CALN1: variants seen among roughly 807,000 people sequenced by gnomAD.
CALN1 encodes calcium-binding protein 8.
In CALN1, 17 loss-of-function variants were observed where a neutral mutation model predicts 30.6. The ratio of observed to expected loss-of-function variants is 0.56; its 90% CI spans 0.38 to 0.83. The LOEUF is 0.83. Ranked by LOEUF, CALN1 falls within the 40% of genes least tolerant of loss-of-function variation. CALN1 has a pLI of 0.00. For missense variants in CALN1, 291 were observed against 354.9 expected, an observed-to-expected ratio of 0.82 and a Z score of 1.45; for synonymous variants, 156 against 131.4, an observed-to-expected ratio of 1.19 and a Z score of -1.28.
intron 5 of CALN1, among the ~76,000 whole-genome samples, chr7:71,934,167 A>C (rs1457903685): frequency 6.6e-6 from 1 of 152,222 alleles, no homozygotes; most frequent in Non-Finnish European, 1.5e-5. Flanking sequence ...TTCTAGCTAA[A>C]ATAGTTCTCC....
rs1266444348 is a variant in CALN1, at chr7:71,971,953, A to AGAAAGAAAGAAAG, written c.501+51703_501+51704insCTTTCTTTCTTTC. Reference sequence around the variant, plus strand: ...CTCAAAAAAAAAAAAAAAAAAAAAAAAAAGAAAGAAAGAAAGAAAGAAAGA... The same window carrying AGAAAGAAAGAAAG: ...CTCAAAAAAAAAAAAAAAAAAAAAAAGAAAGAAAGAAAGAAAGAAAGAAAGAAAGAAAGAAAGA... On this transcript the variant is annotated intron_variant, in intron 5 of 6. Transcript: ENST00000395275. Among the ~76,000 whole-genome samples, 186 of 72,772 alleles carry AGAAAGAAAGAAAG rather than the reference A, an allele frequency of 2.6e-3. 2 individuals are homozygous for AGAAAGAAAGAAAG. The highest frequency in any genetic ancestry group is 8.9e-3 in the African/African-American group (126 of 14,202). 47.7% of individuals were successfully genotyped at this position (72,772 alleles called of 152,430 possible).
Position 71,817,845 on chromosome 7 carries a change from CTTATAA to C in CALN1, c.502-7359_502-7354del, listed in dbSNP as rs1485258174. ...ATATTTATTAATTACATTACGTAAC[CTTATAA>C]TTATAATCTTTTTCTATAAACTTAC... On this transcript the variant is annotated intron_variant, in intron 5 of 6. Transcript: ENST00000395275. 3.9e-5 allele frequency among the ~76,000 whole-genome samples: 6 copies of C among 151,956 alleles called. No homozygotes were observed. The South Asian group carries it at 8.3e-4, about 21-fold the overall frequency.
At chr7:72,244,723 G>C (rs370349952) in intron 3 of CALN1, among the ~76,000 whole-genome samples, 1 of 151,710 alleles carries the variant, frequency 6.6e-6, no homozygotes, top group Admixed American at 6.6e-5. Context: ...CCCAGACAGA[G>C]AAAATATAGT....
intron 3 of CALN1, among the ~76,000 whole-genome samples, chr7:72,271,575 A>ATATATATATAT (rs1554345806): frequency 1.7e-4 from 9 of 52,120 alleles, no homozygotes; most frequent in South Asian, 2.3e-3. Context: ...AAAAAAAAAA[A>ATATATATATAT]ATATATATAT....
chr7:72,088,715 A>G (rs1273883836), intron 4 of CALN1, among the ~76,000 whole-genome samples: 25 of 150,780 alleles, frequency 1.7e-4, no homozygotes, highest in African/African-American at 4.9e-4. Flanking sequence ...AAAAAAAAAA[A>G]AAAGAAAGAA....
intron 5 of CALN1, among the ~76,000 whole-genome samples, chr7:71,954,968 G>A (rs915948012): frequency 6.6e-6 from 1 of 152,078 alleles, no homozygotes; most frequent in Admixed American, 6.6e-5. Flanking sequence ...TTGTTTTTTA[G>A]GATGAGAGTT....
chr7:72,109,045 T>C (rs1195110195), intron 3 of CALN1, among the ~76,000 whole-genome samples: 2 of 152,160 alleles, frequency 1.3e-5, no homozygotes, highest in African/African-American at 4.8e-5. Context: ...TTCTGAGCGG[T>C]AAGCACCTCC....
At chr7:71,852,833 T>C in intron 5 of CALN1, among the ~76,000 whole-genome samples, 1 of 152,236 alleles carries the variant, frequency 6.6e-6, no homozygotes, top group Admixed American at 6.5e-5. Flanking sequence ...TTTATATTGA[T>C]TGTGCTTATT....
intron 2 of CALN1, among the ~76,000 whole-genome samples, chr7:72,343,816 T>C (rs544219755): frequency 2.0e-5 from 3 of 152,308 alleles, no homozygotes; most frequent in East Asian, 3.9e-4. Context: ...CTGTTTCTCA[T>C]TGTGGTGTCT....
intron 5 of CALN1, among the ~76,000 whole-genome samples, chr7:71,929,443 C>G (rs1469197366): frequency 6.6e-6 from 1 of 152,228 alleles, no homozygotes; most frequent in African/African-American, 2.4e-5. Context: ...CAGCTTCATC[C>G]ATGCCTCTGC....
chr7:72,299,869 G>C (rs1799135209), intron 2 of CALN1, among the ~76,000 whole-genome samples: 1 of 151,434 alleles, frequency 6.6e-6, no homozygotes, highest in African/African-American at 2.4e-5. Context: ...GAGAGTTTTT[G>C]TTTCAATTTT....
intron 3 of CALN1, among the ~76,000 whole-genome samples, chr7:72,142,465 G>A (rs1027617373): frequency 6.6e-6 from 1 of 152,184 alleles, no homozygotes; most frequent in Non-Finnish European, 1.5e-5. Flanking sequence ...GGTAAAAAAA[G>A]TGGCCAGGAA....
At chr7:72,218,086 C>T (rs1792980951) in intron 3 of CALN1, among the ~76,000 whole-genome samples, 1 of 151,414 alleles carries the variant, frequency 6.6e-6, no homozygotes, top group Non-Finnish European at 1.5e-5. Context: ...TCGTGATCCG[C>T]CCTCCTCGGC....
At position 72,235,237 on chromosome 7, in the gene CALN1, G is replaced by A. The variant is rs560294754; in HGVS notation, c.244+43449C>T. On this transcript the variant is annotated intron_variant, in intron 3 of 6. Transcript: ENST00000395275. ...CACAGTGAGCTATGATCACACCACC[G>A]CACTCCAGCCTGGATGACACAGTGA... 5.9e-5 allele frequency among the ~76,000 whole-genome samples: 9 copies of A among 152,102 alleles called. No individual in the cohort carries two copies. In the East Asian group the frequency reaches 9.7e-4, roughly 16 times the overall value.
intron 3 of CALN1, among the ~76,000 whole-genome samples, chr7:72,115,830 C>CT (rs1807946820): frequency 6.6e-6 from 1 of 152,114 alleles, no homozygotes; most frequent in East Asian, 1.9e-4. Flanking sequence ...CTCTCCCCTC[C>CT]TTCCTTACCT....
chr7:71,919,778 T>C (rs1794844462), intron 5 of CALN1, among the ~76,000 whole-genome samples: 1 of 152,162 alleles, frequency 6.6e-6, no homozygotes. Context: ...ACAAAAACCC[T>C]ACAATGATGC....
At chr7:72,188,066 A>G (rs1265695734) in intron 3 of CALN1, among the ~76,000 whole-genome samples, 2 of 152,154 alleles carry the variant, frequency 1.3e-5, no homozygotes, top group African/African-American at 4.8e-5. Context: ...CAGTGTGGAG[A>G]TTTCTTAAAG....
At chr7:71,828,496 T>C (rs1273625758) in intron 5 of CALN1, among the ~76,000 whole-genome samples, 1 of 152,004 alleles carries the variant, frequency 6.6e-6, no homozygotes, top group African/African-American at 2.4e-5. Context: ...AAATTCAAGC[T>C]TGGAACTGGT....
chr7:71,995,997 A>C (rs546467936), intron 5 of CALN1, among the ~76,000 whole-genome samples: 1 of 152,146 alleles, frequency 6.6e-6, no homozygotes, highest in South Asian at 2.1e-4. Context: ...GCCTAAGAAA[A>C]TCTTTTCTGC....
Sources: gnomAD v4.1 joint callset for allele counts (sites outside exome capture counted in the v4.1 genomes callset) on GRCh38, gnomAD v4.1.1 for gene constraint, MANE v1.5 for transcripts, NCBI Gene and HGNC (gene_info 2026-07-23, HGNC 2026-07-21) for gene names.